The following GRK2 variants were observed in gnomAD, a reference collection of about 807,000 sequenced individuals.
The protein encoded by GRK2 is G protein-coupled receptor kinase 2, also known as adrenergic beta receptor kinase 1.
A neutral mutation model predicts 97.8 loss-of-function variants in GRK2; 23 were observed. The observed-to-expected ratio is 0.24, with a 90% CI of 0.17 to 0.33. The LOEUF is 0.33. Ranked by LOEUF, GRK2 falls within the 10% of genes least tolerant of loss-of-function variation. The probability of loss-of-function intolerance (pLI) is 1.00; values close to 1 mark genes in which losing one functional copy is unlikely to be tolerated. For synonymous variants in GRK2, 425 were observed against 381.7 expected, an observed-to-expected ratio of 1.11 and a Z score of -1.32; for missense variants, 633 against 956.9, an observed-to-expected ratio of 0.66 and a Z score of 4.47.
At chr11:67,273,832 C>A (rs1052649009) in intron 1 of GRK2, among the ~76,000 whole-genome samples, 6 of 152,042 alleles carry the variant, frequency 3.9e-5, no homozygotes, top group Admixed American at 1.3e-4. Flanking sequence ...GTTCCCAGGC[C>A]GGGGCTGACA....
intron 1 of GRK2, among the ~76,000 whole-genome samples, chr11:67,274,804 C>T (rs1859993102): frequency 6.6e-6 from 1 of 152,170 alleles, no homozygotes; most frequent in African/African-American, 2.4e-5. Context: ...TGCCGGGAAA[C>T]ATGTCCTTGA....
intron 1 of GRK2, among the ~76,000 whole-genome samples, chr11:67,268,523 G>A (rs1859843318): frequency 6.6e-6 from 1 of 152,126 alleles, no homozygotes. Flanking sequence ...GGCTCAAAAC[G>A]GCTCTCCTTG....
intron 18 of GRK2, chr11:67,284,606 G>A (rs1013354015): frequency 1.4e-6 from 1 of 706,838 alleles, no homozygotes; most frequent in Non-Finnish European, 2.3e-6. Context: ...CCAACATGGT[G>A]AAACCCTGTC....
chr11:67,278,940 C>T (rs1443758227), intron 2 of GRK2, among the ~76,000 whole-genome samples: 7 of 152,204 alleles, frequency 4.6e-5, no homozygotes, highest in African/African-American at 9.7e-5. Context: ...CACCCTGGTG[C>T]CCATCGCCGT....
Position 67,279,651 on chromosome 11 carries a change from A to G in GRK2, c.392A>G (p.His131Arg), listed in dbSNP as rs751224103. The change falls in exon 5 of 21, where the codon CAT (histidine) becomes CGT (arginine). Residue 131 changes from histidine to arginine, a missense_variant. Around this residue, in one of 4 missense-constraint regions of GRK2, gnomAD observed 193 missense variants for 212.2 expected, o/e 0.91. Coordinates refer to ENST00000308595, the MANE Select transcript of GRK2 (RefSeq NM_001619.5). ...CCCTTCTCGAAGAGTGCCACTGAGC[A>G]TGTCCAAGGCCACCTGGGGAAGAAG... ...SHPFSKSATE[H>R]VQGHLGKKQV... 6 of 1,613,572 alleles carry G rather than the reference A, an allele frequency of 3.7e-6. No individual in the cohort carries two copies. In the East Asian group the frequency reaches 6.7e-5, roughly 18 times the overall value.
intron 1 of GRK2, among the ~76,000 whole-genome samples, chr11:67,273,850 C>T (rs1224609523): frequency 1.3e-5 from 2 of 152,034 alleles, no homozygotes; most frequent in African/African-American, 2.4e-5. Context: ...ACAGCAGAGC[C>T]CCTGGGAAGG....
In GRK2 at chr11:67,284,333, T is replaced by C; in HGVS notation, c.1614T>C (p.Ala538=). The C allele has an allele frequency of 6.2e-7, 1 of 1,612,990 alleles. No homozygotes were observed. The highest frequency in any genetic ancestry group is 8.5e-7 in the Non-Finnish European group (1 of 1,179,956). The change falls in exon 18 of 21, where the codon GCT becomes GCC. Residue 538 remains alanine (A), a synonymous_variant. Coordinates refer to ENST00000308595, the MANE Select transcript of GRK2 (RefSeq NM_001619.5). ...TINAETDRLE[A]RKKAKNKQLG... ...ACGCTGAGACAGACCGGCTGGAGGCTCGCAAGAAAGCCAAGAACAAGCAGC... is the reference window on the plus strand; with the variant it reads ...ACGCTGAGACAGACCGGCTGGAGGCCCGCAAGAAAGCCAAGAACAAGCAGC...
intron 15 of GRK2, 48 bp downstream of exon 15, chr11:67,283,276 G>A (rs1860195062): frequency 6.5e-7 from 1 of 1,532,378 alleles, no homozygotes; most frequent in African/African-American, 1.4e-5. Context: ...GCCCCCATGA[G>A]GACAAGGGCT....
chr11:67,279,353 G>T, intron 3 of GRK2, 65 bp from the exon 4 acceptor site: 1 of 1,608,480 alleles, frequency 6.2e-7, no homozygotes, highest in Non-Finnish European at 8.5e-7. Flanking sequence ...CCCACAAGCT[G>T]CCTGGTGTGG....
chr11:67,279,815 C>T (rs1860111469), intron 5 of GRK2, 24 bp from the exon 6 acceptor site: 5 of 1,613,896 alleles, frequency 3.1e-6, no homozygotes, highest in Non-Finnish European at 4.2e-6. Flanking sequence ...GGCTCAGTCA[C>T]CAACTTCCAG....
At chr11:67,274,700 C>T (rs1466703529) in intron 1 of GRK2, among the ~76,000 whole-genome samples, 1 of 151,630 alleles carries the variant, frequency 6.6e-6, no homozygotes, top group Non-Finnish European at 1.5e-5. Context: ...GGGACCGTGT[C>T]TTTCTCAATT....
intron 1 of GRK2, among the ~76,000 whole-genome samples, chr11:67,274,050 T>A (rs1199734456): frequency 6.7e-6 from 1 of 148,684 alleles, no homozygotes. Context: ...TCTCACTCTG[T>A]CACCCAGGCT....
chr11:67,271,983 C>T (rs1447211412), intron 1 of GRK2, among the ~76,000 whole-genome samples: 2 of 152,200 alleles, frequency 1.3e-5, no homozygotes, highest in Non-Finnish European at 2.9e-5. Context: ...TCCCAGGGGA[C>T]GGTTCCCAGA....
chr11:67,285,747 C>T lies in GRK2; in HGVS notation c.*297C>T, dbSNP rs1465626880. 2.3e-6 allele frequency: 1 copy of T among 437,570 alleles called. No homozygotes were observed. The highest frequency in any genetic ancestry group is 4.1e-5 in the Admixed American group (1 of 24,394). 27.1% of individuals were successfully genotyped at this position (437,570 alleles called of 1,614,324 possible). A position where few individuals can be genotyped will look rare whatever the true frequency, so the allele number is the denominator to read the frequency against. Reference sequence around the variant, plus strand: ...GGGATGATGCCACACCAAGCTGTGCCACCCTGGGCTCTGTGGGCTGCACTC... The same window carrying T: ...GGGATGATGCCACACCAAGCTGTGCTACCCTGGGCTCTGTGGGCTGCACTC... On this transcript the variant is annotated 3_prime_UTR_variant, in exon 21 of 21. Coordinates refer to ENST00000308595, the MANE Select transcript of GRK2 (RefSeq NM_001619.5).
In GRK2 at chr11:67,277,260, C is replaced by G. The variant is rs375755668; in HGVS notation, c.114-12C>G. The G allele has an allele frequency of 3.7e-6, 6 of 1,613,316 alleles. No homozygotes were observed. Among genetic ancestry groups the G allele is most frequent in the African/African-American group, 2.7e-5 (2 of 74,940 alleles). On this transcript the variant is annotated splice_polypyrimidine_tract_variant and intron_variant, in intron 1 of 20. Transcript: ENST00000308595. ...TGGGGGCTTCTGCTTACTGCGCCCC[C>G]CTGACCCACAGCATCCGCAGTGTCA... is the stretch of plus-strand genomic sequence containing the variant.
At chr11:67,271,810 T>TC (rs1859913146) in intron 1 of GRK2, among the ~76,000 whole-genome samples, 1 of 152,188 alleles carries the variant, frequency 6.6e-6, no homozygotes, top group Non-Finnish European at 1.5e-5. Flanking sequence ...TGTGGCCCCG[T>TC]CCTTGTTCGC....
Position 67,286,438 on chromosome 11 carries a change from G to A in GRK2, c.*988G>A. The A allele has an allele frequency of 1.4e-6, 1 of 700,132 alleles. No homozygotes were observed. Among genetic ancestry groups the A allele is most frequent in the Non-Finnish European group, 2.6e-6 (1 of 383,440 alleles). The allele number at this position is 700,132 out of a possible 1,614,324, so 43.4% of individuals were successfully genotyped here. Reference sequence around the variant, plus strand: ...CGCGCCTTCTCCCCCCCGGGGCTGGGTTGGCGCACCCTCCCCTCCCGTCTA... The same window carrying A: ...CGCGCCTTCTCCCCCCCGGGGCTGGATTGGCGCACCCTCCCCTCCCGTCTA... On this transcript the variant is annotated 3_prime_UTR_variant, in exon 21 of 21. Transcript: ENST00000308595.
rs1193656898 is a variant in GRK2 at position 67,283,025 on chromosome 11, C to G, written c.1228-103C>G. 6.3e-6 allele frequency: 8 copies of G among 1,269,348 alleles called. No homozygotes were observed. In the East Asian group the frequency reaches 1.2e-4, roughly 18 times the overall value. 78.6% of individuals were successfully genotyped at this position (1,269,348 alleles called of 1,614,324 possible). A position where few individuals can be genotyped will look rare whatever the true frequency, so the allele number is the denominator to read the frequency against. ...GCTGGGCGAGCTAGGATGCTGTGCC[C>G]CATCTGTCCCTCTGCGGGGGCCTGG... On this transcript the variant is annotated intron_variant, in intron 14 of 20. Coordinates refer to ENST00000308595, the MANE Select transcript of GRK2 (RefSeq NM_001619.5).
rs1035557902 is a variant in GRK2 at position 67,276,048 on chromosome 11, A to C, written c.114-1224A>C. Among the ~76,000 whole-genome samples the C allele has an allele frequency of 1.3e-5, 2 of 152,174 alleles. No individual in the cohort carries two copies. Among genetic ancestry groups the C allele is most frequent in the African/African-American group, 4.8e-5 (2 of 41,442 alleles). ...CTAGGGGCAGGCAGGGCCGGGGTGC[A>C]GAAAGGCAGGGGCCATGGCAAGCAC... On this transcript the variant is annotated intron_variant, in intron 1 of 20. Coordinates refer to ENST00000308595, the MANE Select transcript of GRK2 (RefSeq NM_001619.5). The surrounding 1 kb of genome is among the most constrained non-coding windows in gnomAD (Gnocchi z 4.2).
Sources: gnomAD v4.1 joint callset for allele counts (sites outside exome capture counted in the v4.1 genomes callset) on GRCh38, gnomAD v4.1.1 for gene constraint, gnomAD v4.1.1 regional missense constraint, Gnocchi (gnomAD v3.1) non-coding constraint, MANE v1.5 for transcripts, NCBI Gene and HGNC (gene_info 2026-07-23, HGNC 2026-07-21) for gene names.